ROBO2: variants seen among roughly 807,000 people sequenced by gnomAD.
ROBO2 encodes the protein roundabout homolog 2.
ROBO2 carries 53 observed loss-of-function variants against 160.8 expected under a neutral mutation model. The observed-to-expected ratio is 0.33, with a 90% confidence interval of 0.26 to 0.41. The LOEUF is 0.41. Among genes scored for constraint, ROBO2 ranks in the 10% least tolerant of loss-of-function variants. The pLI is 1.00. For missense variants in ROBO2, 1,577 were observed against 1,722.4 expected, an observed-to-expected ratio of 0.92 and a Z score of 1.49; for synonymous variants, 664 against 611.7, an observed-to-expected ratio of 1.09 and a Z score of -1.26.
At position 76,789,359 on chromosome 3, in the gene ROBO2, C is replaced by A. The variant is rs9863470; in HGVS notation, c.110-308655C>A. On this transcript the variant is annotated intron_variant, in intron 2 of 26. Transcript: ENST00000487694. ...CCTAGGATGCCATTATACGAAGGAGCAGCCTGCGCTGGCAACTCCCAATTA... is the reference window on the plus strand; with the variant it reads ...CCTAGGATGCCATTATACGAAGGAGAAGCCTGCGCTGGCAACTCCCAATTA... 9.2e-3 allele frequency among the ~76,000 whole-genome samples: 1,393 copies of A among 151,542 alleles called. 19 individuals carry two copies. Among genetic ancestry groups the A allele is most frequent in the African/African-American group, 0.032 (1,335 of 41,402 alleles).
chr3:77,097,228 G>A (rs1033847018), intron 1 of ROBO2, among the ~76,000 whole-genome samples: 1 of 151,990 alleles, frequency 6.6e-6, no homozygotes, highest in African/African-American at 2.4e-5. Flanking sequence ...TTTTGCTGAT[G>A]GTATCTCTTG....
intron 2 of ROBO2, among the ~76,000 whole-genome samples, chr3:76,699,445 T>G (rs1671443481): frequency 6.6e-6 from 1 of 152,154 alleles, no homozygotes; most frequent in African/African-American, 2.4e-5. Flanking sequence ...TATTTGGACG[T>G]TCTGATATCC....
rs551160398 is a variant in ROBO2, at chr3:76,035,278, C to A, written c.109+97676C>A. Among the ~76,000 whole-genome samples the A allele has an allele frequency of 5.0e-4, 75 of 150,998 alleles. No individual in the cohort carries two copies. In the South Asian group the frequency reaches 0.015, roughly 31 times the overall value. ...AGAAATAAGGCTTGCTGAATTAATG[C>A]GCATATGCCAAAATCCCTTTTGATA... On this transcript the variant is annotated intron_variant, in intron 2 of 26. Coordinates refer to the ROBO2 transcript ENST00000487694.
rs191773764 is a variant in ROBO2, at chr3:75,920,157, T to A, written c.-14+13197T>A. Among the ~76,000 whole-genome samples, 4 of 152,340 alleles carry A rather than the reference T, an allele frequency of 2.6e-5. No individual in the cohort carries two copies. The East Asian group carries it at 7.7e-4, about 29-fold the overall frequency. Reference sequence around the variant, plus strand: ...TTTAGATCTTTCCCACTTTCTGATATGGGCATTTAATGCTATAAATTTCCC... The same window carrying A: ...TTTAGATCTTTCCCACTTTCTGATAAGGGCATTTAATGCTATAAATTTCCC... On this transcript the variant is annotated intron_variant, in intron 1 of 26. Coordinates refer to the ROBO2 transcript ENST00000487694.
intron 2 of ROBO2, among the ~76,000 whole-genome samples, chr3:76,950,676 C>T (rs2078901657): frequency 6.6e-6 from 1 of 152,072 alleles, no homozygotes; most frequent in African/African-American, 2.4e-5. Context: ...ACTACATCCT[C>T]CCTGGTTATA....
chr3:77,448,583 A>G (rs1336073364), intron 2 of ROBO2, among the ~76,000 whole-genome samples: 1 of 143,064 alleles, frequency 7.0e-6, no homozygotes, highest in Non-Finnish European at 1.5e-5. Context: ...ACTAATGGAT[A>G]CACCTTTTAT....
At chr3:76,455,749 T>G (rs982008746) in intron 2 of ROBO2, among the ~76,000 whole-genome samples, 2 of 152,180 alleles carry the variant, frequency 1.3e-5, no homozygotes, top group Admixed American at 1.3e-4. Context: ...AGAAAACACA[T>G]AGCAAGCATA....
chr3:76,089,544 G>T (rs1258099558), intron 2 of ROBO2, among the ~76,000 whole-genome samples: 1 of 152,042 alleles, frequency 6.6e-6, no homozygotes, highest in Non-Finnish European at 1.5e-5. Flanking sequence ...ATGAATTAAT[G>T]TAACCCATCA....
At chr3:77,564,928 A>G (rs1457523965) in intron 11 of ROBO2, 26 bp from the exon 13 acceptor site, 1 of 1,609,864 alleles carries the variant, frequency 6.2e-7, no homozygotes, top group African/African-American at 1.3e-5. Context: ...ACTGTTCTTT[A>G]AATGAAATTT....
intron 2 of ROBO2, among the ~76,000 whole-genome samples, chr3:76,565,349 A>C (rs1014607460): frequency 6.6e-6 from 1 of 152,208 alleles, no homozygotes; most frequent in Non-Finnish European, 1.5e-5. Flanking sequence ...ATTTAACATT[A>C]CTCAAAAATC....
At chr3:77,031,204 G>A (rs182887300) in intron 2 of ROBO2, among the ~76,000 whole-genome samples, 6 of 152,164 alleles carry the variant, frequency 3.9e-5, no homozygotes, top group Admixed American at 3.3e-4. Context: ...CCTAGGTCCT[G>A]GAAAGAGGAT....
chr3:76,856,154 A>G (rs1370999499), intron 2 of ROBO2, among the ~76,000 whole-genome samples: 1 of 152,212 alleles, frequency 6.6e-6, no homozygotes, highest in Non-Finnish European at 1.5e-5. Context: ...TAATTGGTTC[A>G]ACTGAAGTCG....
intron 2 of ROBO2, chr3:76,435,322 T>G: frequency 1.2e-6 from 1 of 842,266 alleles, no homozygotes; most frequent in Non-Finnish European, 2.1e-6. Flanking sequence ...AACACCCTCA[T>G]TCCTACAGAA....
intron 11 of ROBO2, chr3:77,564,549 G>A (rs2093425256): frequency 2.3e-5 from 10 of 443,634 alleles, no homozygotes; most frequent in Admixed American, 1.5e-4. Flanking sequence ...AATTTACTCT[G>A]TAGTCCATTT....
intron 2 of ROBO2, among the ~76,000 whole-genome samples, chr3:76,134,008 T>C (rs1200769777): frequency 6.6e-6 from 1 of 152,114 alleles, no homozygotes; most frequent in Admixed American, 6.6e-5. Flanking sequence ...ATGAAATTTA[T>C]CTCACTGTCC....
intron 2 of ROBO2, among the ~76,000 whole-genome samples, chr3:76,571,603 A>G (rs1485402559): frequency 6.6e-6 from 1 of 152,184 alleles, no homozygotes; most frequent in African/African-American, 2.4e-5. Context: ...CATAGGAGTT[A>G]GGTAATAACA....
At position 76,079,961 on chromosome 3, in the gene ROBO2, G is replaced by A. The variant is rs553954981; in HGVS notation, c.109+142359G>A. Among the ~76,000 whole-genome samples, 78 of 152,120 alleles carry A rather than the reference G, an allele frequency of 5.1e-4. No individual in the cohort carries two copies. The South Asian group carries it at 0.015, about 30-fold the overall frequency. On this transcript the variant is annotated intron_variant, in intron 2 of 26. Transcript: ENST00000487694. ...GGAACCAATGATATGCCTGATTGTC[G>A]CCCTCAAATATTTTATAGCAGGAAT...
At chr3:77,522,900 G>A (rs748277216) in exon 6 of ROBO2, 14 of 1,608,790 alleles carry the variant, frequency 8.7e-6, no homozygotes, top group East Asian at 2.2e-5. Context: ...CTCACCGTCC[G>A]AGGTAAGAGA....
At chr3:76,099,833 G>A (rs1311360070) in intron 2 of ROBO2, among the ~76,000 whole-genome samples, 1 of 152,160 alleles carries the variant, frequency 6.6e-6, no homozygotes, top group Non-Finnish European at 1.5e-5. Flanking sequence ...CTGGCTAACG[G>A]CAAGTGCAGA....
Sources: allele counts gnomAD v4.1 joint callset (sites outside exome capture counted in the v4.1 genomes callset), GRCh38; gene constraint gnomAD v4.1.1; transcripts MANE v1.5; gene names NCBI Gene and HGNC (gene_info 2026-07-23, HGNC 2026-07-21).